Variants in GALNTL6 observed in about 807,000 individuals in gnomAD.
GALNTL6 encodes the protein polypeptide N-acetylgalactosaminyltransferase like 6.
Under a neutral mutation model 73.7 loss-of-function variants are expected in GALNTL6, and 46 were observed. That is an observed-to-expected ratio of 0.62 (90% confidence interval 0.49 to 0.80). GALNTL6 has a LOEUF of 0.80. GALNTL6 is among the 30% of genes least tolerant of loss of function. The probability of loss-of-function intolerance (pLI) is 0.00; values close to 1 mark genes in which losing one functional copy is unlikely to be tolerated. For synonymous variants in GALNTL6, 259 were observed against 263.7 expected (o/e 0.98, Z 0.17); for missense variants, 604 against 755.0 (o/e 0.80, Z 2.34).
intron 2 of GALNTL6, among the ~76,000 whole-genome samples, chr4:171,838,512 C>T (rs1735161846): frequency 6.6e-6 from 1 of 152,158 alleles, no homozygotes; most frequent in African/African-American, 2.4e-5. Context: ...CCTTCACTCT[C>T]TCTCCATCCA....
chr4:172,032,763 T>C (rs1047231394), intron 2 of GALNTL6, among the ~76,000 whole-genome samples: 12 of 151,992 alleles, frequency 7.9e-5, no homozygotes, highest in Admixed American at 3.3e-4. Context: ...AAAATAGAAA[T>C]AGATTAAATT....
chr4:173,000,936 G>A (rs1561079069), intron 10 of GALNTL6, among the ~76,000 whole-genome samples: 2 of 152,140 alleles, frequency 1.3e-5, no homozygotes, highest in Non-Finnish European at 2.9e-5. Context: ...ACCTTATTTG[G>A]AAATCAGGTT....
intron 12 of GALNTL6, among the ~76,000 whole-genome samples, chr4:173,027,842 C>A (rs1753296114): frequency 6.6e-6 from 1 of 152,028 alleles, no homozygotes. Context: ...TGAATAGATA[C>A]AATTAGCATA....
At chr4:172,391,992 G>GTT (rs796093754) in intron 5 of GALNTL6, among the ~76,000 whole-genome samples, 1 of 149,970 alleles carries the variant, frequency 6.7e-6, no homozygotes, top group East Asian at 2.0e-4. Context: ...ATTTTAAACA[G>GTT]TTTTTTTTTT....
At chr4:172,623,595 C>G (rs555572965) in intron 5 of GALNTL6, among the ~76,000 whole-genome samples, 1 of 152,240 alleles carries the variant, frequency 6.6e-6, no homozygotes, top group African/African-American at 2.4e-5. Context: ...GTTTTGTAAT[C>G]TAGCCAATCA....
intron 2 of GALNTL6, among the ~76,000 whole-genome samples, chr4:172,131,406 A>AAT (rs772791571): frequency 0.045 from 6,144 of 137,308 alleles, 176 homozygotes; most frequent in African/African-American, 0.082. Context: ...ATGCCTTTAA[A>AAT]ATATATATAT....
At chr4:172,026,207 A>G (rs529765876) in intron 2 of GALNTL6, among the ~76,000 whole-genome samples, 1 of 132,412 alleles carries the variant, frequency 7.6e-6, no homozygotes, top group East Asian at 2.3e-4. Context: ...GTTTCAATTA[A>G]ACCCTCAGGA....
intron 2 of GALNTL6, among the ~76,000 whole-genome samples, chr4:172,072,985 C>T (rs1166316847): frequency 6.6e-6 from 1 of 152,160 alleles, no homozygotes; most frequent in Non-Finnish European, 1.5e-5. Flanking sequence ...CTTATACCTG[C>T]CTAATTCTCA....
intron 10 of GALNTL6, among the ~76,000 whole-genome samples, chr4:172,974,021 T>A (rs1162234719): frequency 6.6e-6 from 1 of 152,252 alleles, no homozygotes; most frequent in Non-Finnish European, 1.5e-5. Context: ...TTTGAAGGTA[T>A]GTGGGAACAT....
intron 2 of GALNTL6, among the ~76,000 whole-genome samples, chr4:172,062,019 G>A (rs1731217653): frequency 1.4e-5 from 2 of 147,360 alleles, no homozygotes; most frequent in Non-Finnish European, 3.0e-5. Context: ...CACGATCTTG[G>A]CTCACTGCAA....
intron 2 of GALNTL6, among the ~76,000 whole-genome samples, chr4:171,957,115 A>C (rs1407482895): frequency 1.3e-5 from 2 of 152,136 alleles, no homozygotes; most frequent in African/African-American, 2.4e-5. Context: ...GGTCTGTTAA[A>C]AGTAGTTTTC....
At position 171,934,419 on chromosome 4, in the gene GALNTL6, A is replaced by C. The variant is rs10024882; in HGVS notation, c.138+119701A>C. On this transcript the variant is annotated intron_variant, in intron 2 of 12. Coordinates refer to ENST00000506823, the MANE Select transcript of GALNTL6 (RefSeq NM_001034845.3). ...TATCTATCTGTGCATTTACTTATTT[A>C]TTTTTGAGACAGGGTCTCATTCTCA... 2.0e-5 allele frequency among the ~76,000 whole-genome samples: 3 copies of C among 151,974 alleles called. No homozygotes were observed. The East Asian group carries it at 5.8e-4, about 29-fold the overall frequency.
intron 3 of GALNTL6, among the ~76,000 whole-genome samples, chr4:172,259,789 G>A (rs1560994135): frequency 6.6e-6 from 1 of 151,728 alleles, no homozygotes; most frequent in East Asian, 1.9e-4. Flanking sequence ...TTTGTATAAG[G>A]TGAGAGAGGA....
At chr4:172,865,347 C>G (rs1416828341) in intron 7 of GALNTL6, among the ~76,000 whole-genome samples, 1 of 152,212 alleles carries the variant, frequency 6.6e-6, no homozygotes, top group African/African-American at 2.4e-5. Flanking sequence ...GTCCCATGCA[C>G]AGCACCACAA....
intron 6 of GALNTL6, among the ~76,000 whole-genome samples, chr4:172,812,086 A>G (rs1228060679): frequency 6.6e-6 from 1 of 152,174 alleles, no homozygotes; most frequent in Non-Finnish European, 1.5e-5. Flanking sequence ...GGATGGATGG[A>G]TGGATGGAAA....
intron 7 of GALNTL6, 140 bp downstream of exon 7, chr4:172,813,863 G>A (rs1741454814): frequency 1.7e-6 from 1 of 580,696 alleles, no homozygotes; most frequent in South Asian, 3.4e-5. Context: ...ATCACAGAAA[G>A]GTCAGACCTA....
At chr4:172,102,064 CT>C (rs1732533952) in intron 2 of GALNTL6, among the ~76,000 whole-genome samples, 1 of 151,986 alleles carries the variant, frequency 6.6e-6, no homozygotes, top group Admixed American at 6.6e-5. Flanking sequence ...AAAAAAAGTC[CT>C]GACTTTGGAA....
chr4:172,412,179 G>T (rs1300330061), intron 5 of GALNTL6, among the ~76,000 whole-genome samples: 1 of 152,038 alleles, frequency 6.6e-6, no homozygotes, highest in Non-Finnish European at 1.5e-5. Flanking sequence ...AAGTGCCTAA[G>T]ACTACAGATT....
chr4:172,754,306 C>T (rs1017810175), intron 5 of GALNTL6, among the ~76,000 whole-genome samples: 1 of 152,160 alleles, frequency 6.6e-6, no homozygotes, highest in African/African-American at 2.4e-5. Context: ...CATGGTGGCT[C>T]ACACCTGTAA....
Sources: gnomAD v4.1 joint callset for allele counts (sites outside exome capture counted in the v4.1 genomes callset) on GRCh38, gnomAD v4.1.1 for gene constraint, MANE v1.5 for transcripts, NCBI Gene and HGNC (gene_info 2026-07-23, HGNC 2026-07-21) for gene names.